The following HS2ST1 variants were observed in gnomAD, a reference collection of about 807,000 sequenced individuals.
HS2ST1 encodes 2-O-sulfotransferase.
In HS2ST1, 18 loss-of-function variants were observed where a neutral mutation model predicts 42.9. The observed-to-expected ratio is 0.42, with a 90% CI of 0.29 to 0.62. The LOEUF (loss-of-function observed/expected upper bound fraction) is 0.62. HS2ST1 is among the 20% of genes least tolerant of loss of function. The probability of loss-of-function intolerance (pLI) is 0.21; values close to 1 mark genes in which losing one functional copy is unlikely to be tolerated. For synonymous variants in HS2ST1, 146 were observed against 152.9 expected, an observed-to-expected ratio of 0.95 and a Z score of 0.33; for missense variants, 334 against 433.8, an observed-to-expected ratio of 0.77 and a Z score of 2.04.
At chr1:86,959,131 A>G (rs1478202197) in intron 1 of HS2ST1, among the ~76,000 whole-genome samples, 4 of 152,200 alleles carry the variant, frequency 2.6e-5, no homozygotes, top group Non-Finnish European at 4.4e-5. Context: ...AGCTAACATC[A>G]TATTTACTAA....
chr1:86,952,768 G>C (rs528889611), intron 1 of HS2ST1, among the ~76,000 whole-genome samples: 1 of 152,266 alleles, frequency 6.6e-6, no homozygotes, highest in African/African-American at 2.4e-5. Flanking sequence ...GGTAAACTGA[G>C]GTGCTATCAG....
intron 1 of HS2ST1, among the ~76,000 whole-genome samples, chr1:86,960,339 GATA>G (rs1647801626): frequency 6.6e-6 from 1 of 151,772 alleles, no homozygotes; most frequent in African/African-American, 2.4e-5. Context: ...ACTCCTAGAA[GATA>G]ATAAAGGAGA....
intron 1 of HS2ST1, among the ~76,000 whole-genome samples, chr1:86,997,183 C>T (rs985349894): frequency 7.2e-5 from 11 of 152,210 alleles, no homozygotes; most frequent in East Asian, 1.9e-4. Context: ...AGGCTGGTAA[C>T]GGAGGCCTAA....
At chr1:87,080,547 C>T (rs145520675) in intron 2 of HS2ST1, among the ~76,000 whole-genome samples, 2 of 152,178 alleles carry the variant, frequency 1.3e-5, no homozygotes, top group Admixed American at 6.5e-5. Context: ...CAGCAATTGT[C>T]CCCCAGCAGG....
At chr1:87,022,642 G>T (rs1365091584) in intron 1 of HS2ST1, among the ~76,000 whole-genome samples, 3 of 151,772 alleles carry the variant, frequency 2.0e-5, no homozygotes, top group African/African-American at 7.3e-5. Context: ...TGCACCTTGT[G>T]AGTTAATAAG....
intron 1 of HS2ST1, among the ~76,000 whole-genome samples, chr1:86,999,715 A>G (rs1301889197): frequency 1.3e-5 from 2 of 152,192 alleles, no homozygotes; most frequent in Non-Finnish European, 2.9e-5. Context: ...TACTTTTGTT[A>G]ATCATACATC....
At chr1:86,936,933 T>TAAAAA (rs60940882) in intron 1 of HS2ST1, among the ~76,000 whole-genome samples, 1 of 98,400 alleles carries the variant, frequency 1.0e-5, no homozygotes, top group Non-Finnish European at 2.1e-5. Flanking sequence ...CCGTCTCTAC[T>TAAAAA]AAAAAAAAAA....
chr1:86,938,793 CTAG>C (rs1660706535), intron 1 of HS2ST1, among the ~76,000 whole-genome samples: 1 of 152,050 alleles, frequency 6.6e-6, no homozygotes, highest in African/African-American at 2.4e-5. Context: ...TAGTATCCAA[CTAG>C]TAGTGGTGTT....
chr1:87,003,223 A>G (rs1649342032), intron 1 of HS2ST1, among the ~76,000 whole-genome samples: 1 of 152,230 alleles, frequency 6.6e-6, no homozygotes, highest in Non-Finnish European at 1.5e-5. Context: ...TTAAGTCAAA[A>G]GCTCTTTAAG....
intron 1 of HS2ST1, among the ~76,000 whole-genome samples, chr1:86,923,482 C>T (rs555457711): frequency 2.6e-4 from 39 of 151,854 alleles, no homozygotes; most frequent in Non-Finnish European, 2.4e-4. Context: ...CTGCAAGCTC[C>T]GCCTCTTGGG....
chr1:87,046,103 T>C (rs1180595447), intron 1 of HS2ST1: 6 of 676,298 alleles, frequency 8.9e-6, no homozygotes, highest in Non-Finnish European at 1.7e-5. Flanking sequence ...TGGCATATTT[T>C]TGACAGTTTA....
At chr1:87,017,012 C>T (rs1257001599) in intron 1 of HS2ST1, among the ~76,000 whole-genome samples, 1 of 151,964 alleles carries the variant, frequency 6.6e-6, no homozygotes, top group Non-Finnish European at 1.5e-5. Context: ...CCAAGATTAG[C>T]TTGGAAATGA....
At chr1:86,935,455 C>CTTTTTTTTT (rs552713297) in intron 1 of HS2ST1, among the ~76,000 whole-genome samples, 73 of 62,054 alleles carry the variant, frequency 1.2e-3, no homozygotes, top group Non-Finnish European at 1.6e-3. Flanking sequence ...TCTTTTTCTC[C>CTTTTTTTTT]TTTTTTTTTT....
chr1:87,095,358 A>G (rs1049688941), intron 4 of HS2ST1, among the ~76,000 whole-genome samples: 8 of 152,176 alleles, frequency 5.3e-5, no homozygotes, highest in Admixed American at 1.3e-4. Context: ...GAGGTGTATT[A>G]AACAGTATTC....
chr1:87,106,371 TTTCTC>T lies in HS2ST1; in HGVS notation c.*1679_*1683del, dbSNP rs1053110837. 6 of 152,250 alleles carry T rather than the reference TTTCTC, an allele frequency of 3.9e-5. No homozygotes were observed. Among genetic ancestry groups the T allele is most frequent in the South Asian group, 2.1e-4 (1 of 4,826 alleles). The allele number at this position is 152,250 out of a possible 1,614,324, so 9.4% of individuals were successfully genotyped here. On this transcript the variant is annotated 3_prime_UTR_variant, in exon 7 of 7. Coordinates refer to ENST00000370550, the MANE Select transcript of HS2ST1 (RefSeq NM_012262.4). ...TTAGCTGACTAGGGTCAGGGAAACT[TTTCTC>T]TTCAAATTTGAAAGCTGTTTCTGTT...
intron 1 of HS2ST1, chr1:87,045,798 G>T: frequency 1.2e-6 from 1 of 833,994 alleles, no homozygotes; most frequent in Non-Finnish European, 2.1e-6. Context: ...AAAATCCATT[G>T]CATATGGGTC....
intron 1 of HS2ST1, among the ~76,000 whole-genome samples, chr1:87,024,989 C>T (rs879567491): frequency 6.6e-6 from 1 of 152,058 alleles, no homozygotes; most frequent in Non-Finnish European, 1.5e-5. Flanking sequence ...TATCTAAGGT[C>T]GACTACCACA....
rs1557504642 is a variant in HS2ST1 at position 86,985,376 on chromosome 1, A to ATG, written c.124+70217_124+70218insGT. Reference sequence around the variant, plus strand: ...CAAAAAAAAAAAAAAAAGTATATATATATATATACACACACACACACACAT... The same window carrying ATG: ...CAAAAAAAAAAAAAAAAGTATATATATGTATATATACACACACACACACACAT... On this transcript the variant is annotated intron_variant, in intron 1 of 6. Coordinates refer to ENST00000370550, the MANE Select transcript of HS2ST1 (RefSeq NM_012262.4). Among the ~76,000 whole-genome samples the ATG allele has an allele frequency of 7.7e-4, 43 of 55,668 alleles. 1 individual carries two copies. Among genetic ancestry groups the ATG allele is most frequent in the African/African-American group, 1.4e-3 (34 of 24,584 alleles). 36.5% of individuals were successfully genotyped at this position (55,668 alleles called of 152,430 possible). A position where few individuals can be genotyped will look rare whatever the true frequency, so the allele number is the denominator to read the frequency against.
At chr1:87,076,478 AT>A (rs1242913529) in intron 2 of HS2ST1, among the ~76,000 whole-genome samples, 1 of 152,160 alleles carries the variant, frequency 6.6e-6, no homozygotes, top group African/African-American at 2.4e-5. Context: ...TCACTGTCCT[AT>A]TTTTTCATCT....
Sources: gnomAD v4.1 joint callset for allele counts (sites outside exome capture counted in the v4.1 genomes callset) on GRCh38, gnomAD v4.1.1 for gene constraint, MANE v1.5 for transcripts, NCBI Gene and HGNC (gene_info 2026-07-23, HGNC 2026-07-21) for gene names.